The following UBE3A variants were observed in gnomAD, a reference collection of about 807,000 sequenced individuals.
UBE3A encodes ubiquitin protein ligase E3A, also known as ubiquitin-protein ligase E3A.
A neutral mutation model predicts 83.4 loss-of-function variants in UBE3A; 6 were observed. The observed-to-expected ratio is 0.07, with a 90% CI of 0.04 to 0.14. The LOEUF is 0.14. Among genes scored for constraint, UBE3A ranks in the 10% least tolerant of loss-of-function variants. The pLI is 1.00. For synonymous variants in UBE3A, 337 were observed against 355.4 expected (o/e 0.95, Z 0.58); for missense variants, 456 against 1,036.1 (o/e 0.44, Z 7.69).
At chr15:25,379,361 A>G (rs2081777061) in intron 4 of UBE3A, among the ~76,000 whole-genome samples, 1 of 152,106 alleles carries the variant, frequency 6.6e-6, no homozygotes, top group Admixed American at 6.6e-5. Context: ...CTAATAAGAG[A>G]TTTGAACTCA....
intron 11 of UBE3A, among the ~76,000 whole-genome samples, chr15:25,341,264 A>G (rs530565667): frequency 1.3e-5 from 2 of 151,322 alleles, no homozygotes; most frequent in East Asian, 2.0e-4. Flanking sequence ...TAGAGGCAGG[A>G]TTTCACCATG....
intron 7 of UBE3A, among the ~76,000 whole-genome samples, chr15:25,359,615 GTCATGTAC>G (rs2152725342): frequency 6.6e-6 from 1 of 152,138 alleles, no homozygotes; most frequent in Non-Finnish European, 1.5e-5. Context: ...TCCTGTAATT[GTCATGTAC>G]TCAATTTTAA....
At chr15:25,402,347 G>A (rs1305650850) in intron 4 of UBE3A, among the ~76,000 whole-genome samples, 2 of 152,204 alleles carry the variant, frequency 1.3e-5, no homozygotes, top group African/African-American at 4.8e-5. Flanking sequence ...CCTGAACCTT[G>A]GATCTGCAAG....
At chr15:25,423,559 G>T (rs1367293067) in intron 1 of UBE3A, among the ~76,000 whole-genome samples, 1 of 152,158 alleles carries the variant, frequency 6.6e-6, no homozygotes, top group East Asian at 1.9e-4. Flanking sequence ...TCCTAGTTCA[G>T]TTCTAAAGAT....
intron 4 of UBE3A, among the ~76,000 whole-genome samples, chr15:25,403,797 G>A (rs2087760465): frequency 6.6e-6 from 1 of 152,224 alleles, no homozygotes. Context: ...TTTGAAACAT[G>A]CTAAAGATGG....
intron 4 of UBE3A, among the ~76,000 whole-genome samples, chr15:25,376,575 A>G (rs2081257921): frequency 6.6e-6 from 1 of 152,108 alleles, no homozygotes; most frequent in African/African-American, 2.4e-5. Context: ...CCTGAGAGTC[A>G]AGGCTGCCAT....
chr15:25,437,385 T>C (rs759316004), intron 1 of UBE3A, among the ~76,000 whole-genome samples: 39 of 152,206 alleles, frequency 2.6e-4, no homozygotes, highest in Non-Finnish European at 3.8e-4. Context: ...ACAAGATTGA[T>C]TGGGTACCTT....
chr15:25,417,593 A>G (rs1220863880), intron 1 of UBE3A, among the ~76,000 whole-genome samples: 1 of 152,136 alleles, frequency 6.6e-6, no homozygotes, highest in Non-Finnish European at 1.5e-5. Context: ...ATTCAAAAAA[A>G]TACATGAATA....
chr15:25,395,597 TGA>T (rs1030131069), intron 4 of UBE3A, among the ~76,000 whole-genome samples: 3 of 152,310 alleles, frequency 2.0e-5, no homozygotes, highest in African/African-American at 7.2e-5. Flanking sequence ...CAAAATATTA[TGA>T]GAGACGTAGG....
chr15:25,424,212 A>G (rs1596446348), intron 1 of UBE3A, among the ~76,000 whole-genome samples: 1 of 152,240 alleles, frequency 6.6e-6, no homozygotes, highest in African/African-American at 2.4e-5. Flanking sequence ...CTAAAGCTAC[A>G]CTGGCCACAC....
chr15:25,356,472 A>G (rs1418303463), intron 8 of UBE3A, among the ~76,000 whole-genome samples: 1 of 152,246 alleles, frequency 6.6e-6, no homozygotes, highest in African/African-American at 2.4e-5. Context: ...TATGAAATCA[A>G]TCTTACAAAA....
chr15:25,432,260 A>G (rs1420524716), intron 1 of UBE3A, among the ~76,000 whole-genome samples: 1 of 152,196 alleles, frequency 6.6e-6, no homozygotes, highest in African/African-American at 2.4e-5. Context: ...CAGTATTTCT[A>G]TATTTAATTA....
chr15:25,345,270 T>A (rs778775542), intron 11 of UBE3A, among the ~76,000 whole-genome samples: 11 of 152,114 alleles, frequency 7.2e-5, no homozygotes, highest in Non-Finnish European at 1.3e-4. Context: ...GGGATCATGA[T>A]GTAGTAAGCT....
At chr15:25,431,899 C>T (rs1225792615) in intron 1 of UBE3A, among the ~76,000 whole-genome samples, 1 of 152,108 alleles carries the variant, frequency 6.6e-6, no homozygotes, top group Non-Finnish European at 1.5e-5. Context: ...ACCACAGAGG[C>T]ACAATAGAAT....
chr15:25,401,763 C>T (rs889216504), intron 4 of UBE3A, among the ~76,000 whole-genome samples: 6 of 152,048 alleles, frequency 3.9e-5, no homozygotes, highest in African/African-American at 1.4e-4. Context: ...TGAGTCATCT[C>T]TTTTTTCCTT....
rs1385274177 is a variant in UBE3A, at chr15:25,430,098, TA to T, written c.-165+8390del. 6.1e-5 allele frequency among the ~76,000 whole-genome samples: 6 copies of T among 97,620 alleles called. 1 individual carries two copies. The highest frequency in any genetic ancestry group is 7.2e-5 in the Non-Finnish European group (4 of 55,820). 64.0% of individuals were successfully genotyped at this position (97,620 alleles called of 152,430 possible). On this transcript the variant is annotated intron_variant, in intron 1 of 12. Coordinates refer to ENST00000648336, the MANE Select transcript of UBE3A (RefSeq NM_130839.5). Reference sequence around the variant, plus strand: ...ATACATATATATAAGATTATATATATATTATATATATAATACATATATATAA... The same window carrying T: ...ATACATATATATAAGATTATATATATTTATATATATAATACATATATATAA...
intron 1 of UBE3A, chr15:25,418,809 C>G (rs185344027): frequency 6.6e-6 from 1 of 152,072 alleles, no homozygotes; most frequent in African/African-American, 2.4e-5. Context: ...TATGGCCCTT[C>G]TCCTTGAATC....
intron 11 of UBE3A, among the ~76,000 whole-genome samples, chr15:25,341,782 T>TAA (rs2074873239): frequency 1.9e-5 from 1 of 53,470 alleles, no homozygotes; most frequent in Non-Finnish European, 3.5e-5. Context: ...AAATTTCATC[T>TAA]CAAAAAAAAA....
chr15:25,392,494 T>C (rs572912230), intron 4 of UBE3A, among the ~76,000 whole-genome samples: 5 of 152,184 alleles, frequency 3.3e-5, no homozygotes, highest in Non-Finnish European at 5.9e-5. Context: ...CTTCCAAATG[T>C]CTACTTCAGT....
Sources: allele counts gnomAD v4.1 joint callset (sites outside exome capture counted in the v4.1 genomes callset), GRCh38; gene constraint gnomAD v4.1.1; transcripts MANE v1.5; gene names NCBI Gene and HGNC (gene_info 2026-07-23, HGNC 2026-07-21).